The following HRH4 variants were observed in gnomAD, a reference collection of about 807,000 sequenced individuals.
The protein encoded by HRH4 is histamine receptor H4, also known as histamine H4 receptor.
Under a neutral mutation model 10.4 loss-of-function variants are expected in HRH4, and 12 were observed. The ratio of observed to expected loss-of-function variants is 1.15; its 90% CI spans 0.74 to 1.87. The LOEUF is 1.87. Ranked by LOEUF, HRH4 falls within the 40% of genes most tolerant of loss-of-function variation. HRH4 has a pLI of 0.00. For missense variants in HRH4, 415 were observed against 453.3 expected (o/e 0.92, Z 0.77); for synonymous variants, 154 against 166.6 (o/e 0.92, Z 0.58).
intron 2 of HRH4, among the ~76,000 whole-genome samples, chr18:24,471,871 G>T (rs891663735): frequency 4.1e-4 from 63 of 152,092 alleles, no homozygotes; most frequent in African/African-American, 1.5e-3. Context: ...AATCTCCACT[G>T]GATGTTCCTA....
chr18:24,469,144 T>C (rs1909866001), intron 2 of HRH4, among the ~76,000 whole-genome samples, 193 bp downstream of exon 2: 2 of 152,198 alleles, frequency 1.3e-5, no homozygotes, highest in African/African-American at 4.8e-5. Flanking sequence ...CACTCACCTA[T>C]GCACCATTGA....
At chr18:24,463,489 C>T (rs1490001398) in intron 1 of HRH4, among the ~76,000 whole-genome samples, 1 of 152,152 alleles carries the variant, frequency 6.6e-6, no homozygotes, top group East Asian at 1.9e-4. Context: ...GGGAAATGAA[C>T]CTTTTGTCTC....
intron 1 of HRH4, among the ~76,000 whole-genome samples, chr18:24,464,227 A>G (rs1909716768): frequency 1.3e-5 from 2 of 152,214 alleles, no homozygotes; most frequent in Admixed American, 1.3e-4. Flanking sequence ...TCCCAGATCA[A>G]GATTCTGGCC....
Position 24,472,880 on chromosome 18 carries a change from C to T in HRH4, c.358-3867C>T, listed in dbSNP as rs1011225562. Among the ~76,000 whole-genome samples the T allele has an allele frequency of 3.3e-5, 5 of 152,206 alleles. No individual in the cohort carries two copies. The East Asian group carries it at 5.8e-4, about 18-fold the overall frequency. On this transcript the variant is annotated intron_variant, in intron 2 of 2. Transcript: ENST00000256906. ...ATTAAAATGTACAAAAAGGGTTTGG[C>T]GCGGTGGCTCATGCCTGTAATCCCA...
chr18:24,473,771 A>G (rs1029755482), intron 2 of HRH4, among the ~76,000 whole-genome samples: 1 of 152,182 alleles, frequency 6.6e-6, no homozygotes, highest in Non-Finnish European at 1.5e-5. Context: ...TGGTCCTGAA[A>G]TCCATCTCAT....
Position 24,460,924 on chromosome 18 carries a change from A to G in HRH4, c.193+3A>G, listed in dbSNP as rs1038284065. 4 of 1,530,504 alleles carry G rather than the reference A, an allele frequency of 2.6e-6. No individual in the cohort carries two copies. The highest frequency in any genetic ancestry group is 3.6e-6 in the Non-Finnish European group (4 of 1,120,880). 94.8% of individuals were successfully genotyped at this position (1,530,504 alleles called of 1,614,324 possible). A position where few individuals can be genotyped will look rare whatever the true frequency, so the allele number is the denominator to read the frequency against. ...GGCCATCTCTGACTTCTTTGTGGGT[A>G]AGTTATATGTCTTTATTTAAGACAG... On this transcript the variant is annotated splice_donor_region_variant and intron_variant, in intron 1 of 2. Transcript: ENST00000256906.
chr18:24,466,174 G>A lies in HRH4; in HGVS notation c.194-2614G>A, dbSNP rs367694880. Among the ~76,000 whole-genome samples, 86 of 151,448 alleles carry A rather than the reference G, an allele frequency of 5.7e-4. 1 individual carries two copies. Among genetic ancestry groups the A allele is most frequent in the African/African-American group, 1.8e-3 (76 of 41,312 alleles). On this transcript the variant is annotated intron_variant, in intron 1 of 2. Coordinates refer to ENST00000256906, the MANE Select transcript of HRH4 (RefSeq NM_021624.4). ...GTTGCCCAGGCTGGAGTGCAGTGGC[G>A]TGATCATGGCTCACTCCAGCCTTGA... is the stretch of plus-strand genomic sequence containing the variant.
intron 1 of HRH4, among the ~76,000 whole-genome samples, chr18:24,462,511 C>A (rs17187605): frequency 0.037 from 5,559 of 152,240 alleles, 166 homozygotes; most frequent in East Asian, 0.13. Context: ...GGAAGGCCAA[C>A]AGGCAGAGCA....
intron 2 of HRH4, among the ~76,000 whole-genome samples, chr18:24,469,984 G>A (rs1040314209): frequency 1.3e-5 from 2 of 152,088 alleles, no homozygotes; most frequent in Non-Finnish European, 1.5e-5. Flanking sequence ...TTTTTGACGA[G>A]CATAGTCATC....
intron 1 of HRH4, among the ~76,000 whole-genome samples, chr18:24,462,062 G>A (rs1283229232): frequency 3.3e-5 from 5 of 152,162 alleles, no homozygotes; most frequent in Non-Finnish European, 7.3e-5. Context: ...GCGAATAGAG[G>A]CATTTAACAT....
chr18:24,464,446 T>G (rs188829508), intron 1 of HRH4, among the ~76,000 whole-genome samples: 1 of 152,268 alleles, frequency 6.6e-6, no homozygotes, highest in East Asian at 1.9e-4. Flanking sequence ...GTTCCAAATA[T>G]AGCCACATGG....
chr18:24,473,511 G>T (rs758448383), intron 2 of HRH4, among the ~76,000 whole-genome samples: 20 of 152,146 alleles, frequency 1.3e-4, no homozygotes, highest in Non-Finnish European at 2.5e-4. Context: ...TTGTAGATGC[G>T]TCCCTCCAGT....
chr18:24,469,206 T>C (rs187198306), intron 2 of HRH4, among the ~76,000 whole-genome samples: 1 of 152,212 alleles, frequency 6.6e-6, no homozygotes, highest in South Asian at 2.1e-4. Context: ...ACTGGTATAC[T>C]AAGTCTATAG....
intron 1 of HRH4, among the ~76,000 whole-genome samples, chr18:24,464,139 C>T (rs897662327): frequency 6.6e-6 from 1 of 152,182 alleles, no homozygotes; most frequent in East Asian, 1.9e-4. Flanking sequence ...TCTGCTCAGG[C>T]TGCCATAACA....
chr18:24,460,945 G>C, intron 1 of HRH4, 24 bp downstream of exon 1: 1 of 1,416,398 alleles, frequency 7.1e-7, no homozygotes, highest in Non-Finnish European at 9.6e-7. Context: ...CTTTATTTAA[G>C]ACAGTCTTTT....
chr18:24,467,500 C>G (rs1201438701), intron 1 of HRH4, among the ~76,000 whole-genome samples: 3 of 152,060 alleles, frequency 2.0e-5, no homozygotes, highest in Non-Finnish European at 4.4e-5. Context: ...ACTTTTTGGC[C>G]TCAGTGAAAA....
chr18:24,468,415 G>T (rs1179214471), intron 1 of HRH4, among the ~76,000 whole-genome samples: 1 of 152,174 alleles, frequency 6.6e-6, no homozygotes, highest in East Asian at 1.9e-4. Flanking sequence ...GTAAATAGTT[G>T]TTATACTGTA....
chr18:24,461,766 T>C (rs76899285), intron 1 of HRH4, among the ~76,000 whole-genome samples: 4 of 126,186 alleles, frequency 3.2e-5, no homozygotes, highest in Admixed American at 1.5e-4. Context: ...TTAGTTCTCT[T>C]TTTTTTTTTT....
At position 24,474,811 on chromosome 18, in the gene HRH4, C is replaced by T. The variant is rs541257523; in HGVS notation, c.358-1936C>T. 9.2e-5 allele frequency among the ~76,000 whole-genome samples: 14 copies of T among 151,900 alleles called. No individual in the cohort carries two copies. The East Asian group carries it at 1.2e-3, about 13-fold the overall frequency. ...AAGTGATTGTTGTGCCTCAGCCTCC[C>T]GAGAGCTGGGACTACAGGTGCGAGC... On this transcript the variant is annotated intron_variant, in intron 2 of 2. Transcript: ENST00000256906.
Sources: gnomAD v4.1 joint callset for allele counts (sites outside exome capture counted in the v4.1 genomes callset) on GRCh38, gnomAD v4.1.1 for gene constraint, MANE v1.5 for transcripts, NCBI Gene and HGNC (gene_info 2026-07-23, HGNC 2026-07-21) for gene names.